The following GPR160 variants were observed in gnomAD, a reference collection of about 807,000 sequenced individuals.
The protein encoded by GPR160 is probable G protein-coupled receptor 160.
In GPR160, 2 loss-of-function variants were observed where a neutral mutation model predicts 2.6. The ratio of observed to expected loss-of-function variants is 0.77; its 90% confidence interval spans 0.32 to 2.44. The LOEUF (loss-of-function observed/expected upper bound fraction) is 2.44, where lower values mean the gene tolerates loss of function less well. Among genes scored for constraint, GPR160 ranks in the 30% most tolerant of loss-of-function variants. The pLI is 0.11. For synonymous variants in GPR160, 130 were observed against 132.2 expected, an observed-to-expected ratio of 0.98 and a Z score of 0.12; for missense variants, 351 against 383.6, an observed-to-expected ratio of 0.91 and a Z score of 0.71.
Position 170,045,089 on chromosome 3 carries a change from C to T in GPR160, c.-193+6046C>T, listed in dbSNP as rs1716648402. Among the ~76,000 whole-genome samples, 3 of 152,152 alleles carry T rather than the reference C, an allele frequency of 2.0e-5. No homozygotes were observed. The South Asian group carries it at 6.2e-4, about 32-fold the overall frequency. ...GAGTTCTGCATTTTCTTCCCATGTA[C>T]GTGTGCCGTGGAGGAGAATGAAAAG... On this transcript the variant is annotated intron_variant, in intron 2 of 3. Transcript: ENST00000355897.
intron 2 of GPR160, among the ~76,000 whole-genome samples, chr3:170,065,203 A>G (rs1437864653): frequency 6.6e-6 from 1 of 152,204 alleles, no homozygotes; most frequent in East Asian, 1.9e-4. Context: ...AGTATCGTAC[A>G]TTACAATTAC....
intron 2 of GPR160, among the ~76,000 whole-genome samples, chr3:170,074,323 G>T (rs1163923356): frequency 6.6e-6 from 1 of 151,994 alleles, no homozygotes; most frequent in Non-Finnish European, 1.5e-5. Flanking sequence ...AATGTTTCTA[G>T]GTACTCACTT....
At chr3:170,076,896 G>A (rs1338714744) in intron 2 of GPR160, among the ~76,000 whole-genome samples, 5 of 152,150 alleles carry the variant, frequency 3.3e-5, no homozygotes, top group Non-Finnish European at 1.5e-5. Context: ...TACATTTCCA[G>A]TGAGTTAAGC....
At chr3:170,053,800 G>C (rs555741758) in intron 2 of GPR160, among the ~76,000 whole-genome samples, 3 of 152,090 alleles carry the variant, frequency 2.0e-5, no homozygotes, top group South Asian at 2.1e-4. Flanking sequence ...TATCATGAAT[G>C]GTTGTTGAAT....
At chr3:170,055,494 G>A (rs1341477813) in intron 2 of GPR160, among the ~76,000 whole-genome samples, 1 of 152,130 alleles carries the variant, frequency 6.6e-6, no homozygotes, top group Non-Finnish European at 1.5e-5. Flanking sequence ...GGGTCTCAGG[G>A]ACTATTGAGC....
intron 2 of GPR160, among the ~76,000 whole-genome samples, 180 bp downstream of exon 2, chr3:170,039,223 A>G (rs1716339180): frequency 6.6e-6 from 1 of 152,174 alleles, no homozygotes; most frequent in Non-Finnish European, 1.5e-5. Flanking sequence ...AAGCTCTAAG[A>G]CCGGCACTTG....
At chr3:170,045,447 A>AAAC (rs71176546) in intron 2 of GPR160, among the ~76,000 whole-genome samples, 1 of 117,352 alleles carries the variant, frequency 8.5e-6, no homozygotes, top group Non-Finnish European at 1.7e-5. Context: ...AAAAAAAAAA[A>AAAC]CCAATTAGCC....
chr3:170,038,332 C>T lies in GPR160; in HGVS notation c.-322+117C>T, dbSNP rs1459647614. 6.6e-6 allele frequency: 1 copy of T among 152,124 alleles called. No homozygotes were observed. Among genetic ancestry groups the T allele is most frequent in the Non-Finnish European group, 1.5e-5 (1 of 68,018 alleles). The allele number at this position is 152,124 out of a possible 1,614,324, so 9.4% of individuals were successfully genotyped here. ...CTCCCTGGCCGGGCGTTCAGCGCGC[C>T]TGGGAGGGGAAGGAATTTCCTTTGC... On this transcript the variant is annotated intron_variant, in intron 1 of 3. Transcript: ENST00000355897. The surrounding 1 kb of genome is among the most constrained non-coding windows in gnomAD (Gnocchi z 5.3).
intron 2 of GPR160, among the ~76,000 whole-genome samples, chr3:170,046,282 A>G (rs963803526): frequency 6.6e-6 from 1 of 152,314 alleles, no homozygotes; most frequent in Admixed American, 6.5e-5. Context: ...CTGGGCCACA[A>G]CTTGTGACTT....
chr3:170,066,148 T>C (rs1256063618), intron 2 of GPR160, among the ~76,000 whole-genome samples: 1 of 128,232 alleles, frequency 7.8e-6, no homozygotes, highest in African/African-American at 3.0e-5. Context: ...TTTTTTTTTT[T>C]TTTTTTTTTT....
intron 2 of GPR160, among the ~76,000 whole-genome samples, chr3:170,045,703 C>T (rs967294546): frequency 9.9e-5 from 15 of 152,208 alleles, no homozygotes; most frequent in Middle Eastern, 3.4e-3. Flanking sequence ...GAGAACTCTG[C>T]GATTCAGGTT....
Position 170,084,226 on chromosome 3 carries a change from T to TAAGC in GPR160, c.256_259dup (p.Ile87LysfsTer3). On this transcript the variant is annotated frameshift_variant, in exon 4 of 4. Coordinates refer to ENST00000355897, the MANE Select transcript of GPR160 (RefSeq NM_014373.3). LOFTEE classifies it low-confidence loss of function (END_TRUNC). The stretch of plus-strand genomic sequence containing the variant: ...TTGTATTTCAGGGATTTTGTACTTT[T>TAAGC]AAGCATTAGGTTCACTAAATACCAC... 1.2e-6 allele frequency: 2 copies of TAAGC among 1,604,764 alleles called. No individual in the cohort carries two copies. The highest frequency in any genetic ancestry group is 8.5e-7 in the Non-Finnish European group (1 of 1,174,470).
Position 170,084,996 on chromosome 3 carries a change from TAATTA to T in GPR160, c.*10_*14del. On this transcript the variant is annotated 3_prime_UTR_variant, in exon 4 of 4. Transcript: ENST00000355897. The stretch of plus-strand genomic sequence containing the variant: ...ATCAATAATGATTTGTTAATATTAT[TAATTA>T]AAAGTTACAGCTGTCATAAGATCAT... 2 of 1,323,816 alleles carry T rather than the reference TAATTA, an allele frequency of 1.5e-6. No individual in the cohort carries two copies. Among genetic ancestry groups the T allele is most frequent in the Non-Finnish European group, 1.0e-6 (1 of 966,302 alleles). The allele number at this position is 1,323,816 out of a possible 1,614,324, so 82.0% of individuals were successfully genotyped here.
chr3:170,081,915 C>T (rs1378701562), intron 3 of GPR160, among the ~76,000 whole-genome samples: 1 of 152,184 alleles, frequency 6.6e-6, no homozygotes, highest in South Asian at 2.1e-4. Context: ...TCTTGTTTTA[C>T]GCTGCATAGT....
At chr3:170,072,177 C>T (rs750813120) in intron 2 of GPR160, among the ~76,000 whole-genome samples, 3 of 148,032 alleles carry the variant, frequency 2.0e-5, no homozygotes, top group Non-Finnish European at 3.0e-5. Context: ...CGGGTTCAAG[C>T]GATTCTCCTT....
chr3:170,044,859 C>A (rs1716638140), intron 2 of GPR160, among the ~76,000 whole-genome samples: 1 of 152,148 alleles, frequency 6.6e-6, no homozygotes, highest in Non-Finnish European at 1.5e-5. Flanking sequence ...CACAGCCCCC[C>A]AAGAAAGCTC....
chr3:170,045,450 A>G (rs1181096234), intron 2 of GPR160, among the ~76,000 whole-genome samples: 2 of 107,086 alleles, frequency 1.9e-5, no homozygotes, highest in East Asian at 3.5e-4. Flanking sequence ...AAAAAAAACC[A>G]ATTAGCCAGG....
At chr3:170,052,856 A>G (rs1717015706) in intron 2 of GPR160, among the ~76,000 whole-genome samples, 2 of 152,054 alleles carry the variant, frequency 1.3e-5, no homozygotes, top group Non-Finnish European at 2.9e-5. Flanking sequence ...TTTTATAGCT[A>G]TGCTTGTGAT....
rs1182437452 is a variant in GPR160 at position 170,044,566 on chromosome 3, C to T, written c.-193+5523C>T. Among the ~76,000 whole-genome samples, 8 of 152,278 alleles carry T rather than the reference C, an allele frequency of 5.3e-5. No homozygotes were observed. The South Asian group carries it at 8.3e-4, about 16-fold the overall frequency. On this transcript the variant is annotated intron_variant, in intron 2 of 3. Transcript: ENST00000355897. ...GAAAAGGAATGGCTCCAAACTCCCA[C>T]ACCATTGGGTCTTTGTGAGTAGGCA... is the stretch of plus-strand genomic sequence containing the variant.
Sources: gnomAD v4.1 joint callset for allele counts (sites outside exome capture counted in the v4.1 genomes callset) on GRCh38, gnomAD v4.1.1 for gene constraint, Gnocchi (gnomAD v3.1) non-coding constraint, MANE v1.5 for transcripts, NCBI Gene and HGNC (gene_info 2026-07-23, HGNC 2026-07-21) for gene names.